Variants in TRIP11 observed in about 807,000 individuals in gnomAD.
TRIP11 encodes thyroid receptor-interacting protein 11.
TRIP11 carries 148 observed loss-of-function variants against 223.1 expected under a neutral mutation model. The ratio of observed to expected loss-of-function variants is 0.66; its 90% CI spans 0.58 to 0.76. The LOEUF is 0.76. Ranked by LOEUF, TRIP11 falls within the 30% of genes least tolerant of loss-of-function variation. The pLI is 0.00. For missense variants in TRIP11, 2,043 were observed against 2,222.0 expected, an observed-to-expected ratio of 0.92 and a Z score of 1.62; for synonymous variants, 762 against 772.6, an observed-to-expected ratio of 0.99 and a Z score of 0.23.
intron 19 of TRIP11, 93 bp downstream of exon 19, chr14:91,974,534 A>G (rs2056439158): frequency 1.8e-6 from 2 of 1,083,138 alleles, no homozygotes; most frequent in South Asian, 2.7e-5. Context: ...GTTGTATAAA[A>G]TAATTTTAAA....
In TRIP11 at chr14:91,993,848, T is replaced by C. The variant is rs1442812256; in HGVS notation, c.5121A>G (p.Lys1707=). The C allele has an allele frequency of 1.2e-6, 2 of 1,613,880 alleles. No homozygotes were observed. The highest frequency in any genetic ancestry group is 2.2e-5 in the South Asian group (2 of 91,080). ...KQKQLIAEWK[K]NAENLEGKVI... ...CTTTTCCTTCCAGATTTTCTGCGTT[T>C]TTCTTCCATTCAGCTATAAGCTGTT... Residue 1707 remains lysine, a synonymous_variant, in exon 15 of 21, where the codon AAA becomes AAG. Transcript: ENST00000267622.
chr14:91,981,008 A>ATTTT lies in TRIP11; in HGVS notation c.5261-4820_5261-4819insAAAA, dbSNP rs1211000138. ...ATGTATATTATATATATATATATAT[A>ATTTT]TATATTTTTTTTTTTTTTTTTTTTT... is the stretch of plus-strand genomic sequence containing the variant. On this transcript the variant is annotated intron_variant, in intron 16 of 20. Transcript: ENST00000267622. Among the ~76,000 whole-genome samples, 206 of 78,256 alleles carry ATTTT rather than the reference A, an allele frequency of 2.6e-3. 3 individuals are homozygous for ATTTT. Among genetic ancestry groups the ATTTT allele is most frequent in the African/African-American group, 3.2e-3 (49 of 15,544 alleles). The allele number at this position is 78,256 out of a possible 152,430, so 51.3% of individuals were successfully genotyped here.
At chr14:91,972,060 T>C (rs2056406814) in intron 20 of TRIP11, among the ~76,000 whole-genome samples, 1 of 152,190 alleles carries the variant, frequency 6.6e-6, no homozygotes. Flanking sequence ...TCAATTTCAA[T>C]TGATAAATTT....
chr14:91,988,324 T>C lies in TRIP11; in HGVS notation c.5220A>G (p.Leu1740=). Residue 1740 remains leucine (L), a synonymous_variant, in exon 16 of 21, where the codon TTA becomes TTG. Coordinates refer to ENST00000267622, the MANE Select transcript of TRIP11 (RefSeq NM_004239.4). ...LDSASRLTEQ[L]DVKEEQIEEL... ...CTTCAATTTGTTCTTCTTTTACATCTAACTGTTCTGTAAGTCTTGATGCTG... is the reference window on the plus strand; with the variant it reads ...CTTCAATTTGTTCTTCTTTTACATCCAACTGTTCTGTAAGTCTTGATGCTG... 1 of 1,613,684 alleles carries C rather than the reference T, an allele frequency of 6.2e-7. No individual in the cohort carries two copies. The highest frequency in any genetic ancestry group is 1.1e-5 in the South Asian group (1 of 91,038).
chr14:91,992,079 CAAAAAAAAAAAAAAA>C (rs3031548), intron 15 of TRIP11, among the ~76,000 whole-genome samples: 1 of 59,726 alleles, frequency 1.7e-5, no homozygotes, highest in Admixed American at 2.9e-4. Flanking sequence ...AACGCCGTCT[CAAAAAAAAAAAAAAA>C]AAAAAAAAAG....
At chr14:92,025,874 G>A (rs1328062164) in intron 2 of TRIP11, among the ~76,000 whole-genome samples, 4 of 131,584 alleles carry the variant, frequency 3.0e-5, no homozygotes, top group South Asian at 2.3e-4. Context: ...GCGAGACTCC[G>A]TCTCAAAAAA....
At position 91,975,991 on chromosome 14, in the gene TRIP11, G is replaced by A. The variant is rs2056459081; in HGVS notation, c.5342+117C>T. 4 of 877,310 alleles carry A rather than the reference G, an allele frequency of 4.6e-6. No individual in the cohort carries two copies. In the African/African-American group the frequency reaches 5.1e-5, roughly 11 times the overall value. The allele number at this position is 877,310 out of a possible 1,614,324, so 54.3% of individuals were successfully genotyped here. A position where few individuals can be genotyped will look rare whatever the true frequency, so the allele number is the denominator to read the frequency against. The stretch of plus-strand genomic sequence containing the variant: ...TGCATCCTTCCTCACTAAGAGTGAG[G>A]GGAAAAAAGGCTTTTGAAAAATTTA... On this transcript the variant is annotated intron_variant, in intron 17 of 20. Transcript: ENST00000267622.
Position 92,005,547 on chromosome 14 carries a change from A to G in TRIP11, c.2429T>C (p.Ile810Thr), listed in dbSNP as rs1391684460. 1 of 1,611,360 alleles carries G rather than the reference A, an allele frequency of 6.2e-7. No individual in the cohort carries two copies. The highest frequency in any genetic ancestry group is 1.3e-5 in the African/African-American group (1 of 74,604). ...LEEQKQLTQL[I>T]NKKEIFIEKL... ...TTCAATAAAAATTTCTTTCTTGTTT[A>G]TAAGTTGTGTCAACTGCTTCTGCTC... The change falls in exon 11 of 21, where the codon ATA becomes ACA. Residue 810 changes from isoleucine to threonine, a missense_variant. Transcript: ENST00000267622.
intron 20 of TRIP11, among the ~76,000 whole-genome samples, chr14:91,971,163 T>G (rs762627138): frequency 3.0e-4 from 46 of 152,212 alleles, no homozygotes; most frequent in Non-Finnish European, 5.9e-4. Context: ...ACAACTTCAA[T>G]GGTAACAGAC....
chr14:92,033,344 T>C (rs2057289610), intron 1 of TRIP11, 91 bp from the exon 2 acceptor site: 3 of 1,024,352 alleles, frequency 2.9e-6, no homozygotes, highest in Admixed American at 1.8e-5. Context: ...TCACTGAGTT[T>C]ACACAGAATA....
Position 91,988,451 on chromosome 14 carries a change from C to T in TRIP11, c.5161-68G>A, listed in dbSNP as rs898439867. 2.6e-5 allele frequency: 35 copies of T among 1,363,700 alleles called. No individual in the cohort carries two copies. The African/African-American group carries it at 4.5e-4, about 17-fold the overall frequency. 84.5% of individuals were successfully genotyped at this position (1,363,700 alleles called of 1,614,324 possible). On this transcript the variant is annotated intron_variant, in intron 15 of 20. Coordinates refer to ENST00000267622, the MANE Select transcript of TRIP11 (RefSeq NM_004239.4). ...TTTCACAAACTATAAGGCTGAGAGA[C>T]ATCTTAGAGTCAACCTCTACATTTC... is the stretch of plus-strand genomic sequence containing the variant.
chr14:91,972,707 C>CTAGG lies in TRIP11; in HGVS notation c.5719+9_5719+10insCCTA. The CTAGG allele has an allele frequency of 2.5e-6, 4 of 1,602,364 alleles. No individual in the cohort carries two copies. Among genetic ancestry groups the CTAGG allele is most frequent in the Non-Finnish European group, 3.4e-6 (4 of 1,174,220 alleles). On this transcript the variant is annotated intron_variant, in intron 20 of 20. Coordinates refer to ENST00000267622, the MANE Select transcript of TRIP11 (RefSeq NM_004239.4). ...TTCAAATTATAGAAAAATTAAATCT[C>CTAGG]TAGTTTTACCTTTAAAACTTTCTGG...
intron 9 of TRIP11, 87 bp from the exon 10 acceptor site, chr14:92,007,939 A>G (rs1449618346): frequency 1.9e-6 from 2 of 1,049,678 alleles, no homozygotes; most frequent in Non-Finnish European, 2.8e-6. Context: ...AAAACTTGGG[A>G]TTCTATTTAA....
At chr14:92,010,960 T>C in intron 9 of TRIP11, 26 bp downstream of exon 9, 1 of 1,607,996 alleles carries the variant, frequency 6.2e-7, no homozygotes, top group Non-Finnish European at 8.5e-7. Context: ...CCATTTTAAT[T>C]CTGCCCCCAT....
rs556243503 is a variant in TRIP11, at chr14:91,994,912, A to AT, written c.5056+439dup. Among the ~76,000 whole-genome samples the AT allele has an allele frequency of 1.9e-4, 29 of 152,372 alleles. No individual in the cohort carries two copies. In the South Asian group the frequency reaches 6.0e-3, roughly 32 times the overall value. ...TAGATGAATAGCTATGAACATGTGA[A>AT]TCACCATTTCAAAGAACAATAATTA... On this transcript the variant is annotated intron_variant, in intron 14 of 20. Coordinates refer to ENST00000267622, the MANE Select transcript of TRIP11 (RefSeq NM_004239.4).
At position 92,003,721 on chromosome 14, in the gene TRIP11, T is replaced by C; in HGVS notation, c.4255A>G (p.Lys1419Glu). 1.9e-6 allele frequency: 3 copies of C among 1,614,248 alleles called. No homozygotes were observed. The highest frequency in any genetic ancestry group is 1.1e-5 in the South Asian group (1 of 91,088). Reference sequence around the variant, plus strand: ...TTGGAAGAAAGTAGTTGATCACTTTTGGCTTTGATTAAGAGGTCTTTTTCC... The same window carrying C: ...TTGGAAGAAAGTAGTTGATCACTTTCGGCTTTGATTAAGAGGTCTTTTTCC... ...LKEKDLLIKA[K>E]SDQLLSSNEN... Residue 1419 changes from lysine (K) to glutamate (E), a missense_variant, in exon 11 of 21, where the codon AAA becomes GAA. Physicochemically the swap from Lys to Glu is moderately conservative, Grantham distance 56. Coordinates refer to ENST00000267622, the MANE Select transcript of TRIP11 (RefSeq NM_004239.4).
At position 91,966,262 on chromosome 14, in the gene TRIP11, A is replaced by G. The variant is rs1241871418; in HGVS notation, c.*3411T>C. The G allele has an allele frequency of 5.6e-6, 1 of 177,900 alleles. No individual in the cohort carries two copies. The highest frequency in any genetic ancestry group is 2.4e-5 in the African/African-American group (1 of 42,302). 11.0% of individuals were successfully genotyped at this position (177,900 alleles called of 1,614,324 possible). A position where few individuals can be genotyped will look rare whatever the true frequency, so the allele number is the denominator to read the frequency against. On this transcript the variant is annotated 3_prime_UTR_variant, in exon 21 of 21. Coordinates refer to ENST00000267622, the MANE Select transcript of TRIP11 (RefSeq NM_004239.4). ...CTTTTTAATAAGTTAAAAAGTAAAGACTGGCAAATAATCACAAATGTCAGA... is the reference window on the plus strand; with the variant it reads ...CTTTTTAATAAGTTAAAAAGTAAAGGCTGGCAAATAATCACAAATGTCAGA...
chr14:92,029,309 T>TTTTTTTTTTA (rs1385592807), intron 2 of TRIP11, among the ~76,000 whole-genome samples: 3 of 86,894 alleles, frequency 3.5e-5, no homozygotes, highest in African/African-American at 8.3e-5. Flanking sequence ...TTTTTTTTTT[T>TTTTTTTTTTA]TTTTGAGATG....
At chr14:92,030,826 C>T (rs1397976016) in intron 2 of TRIP11, 1 of 152,208 alleles carries the variant, frequency 6.6e-6, no homozygotes, top group African/African-American at 2.4e-5. Context: ...GTGGACTGAT[C>T]ATTCTAATTG....
Sources: allele counts gnomAD v4.1 joint callset (sites outside exome capture counted in the v4.1 genomes callset), GRCh38; gene constraint gnomAD v4.1.1; transcripts MANE v1.5; gene names NCBI Gene and HGNC (gene_info 2026-07-23, HGNC 2026-07-21).